SMPDL3A: variants seen among roughly 807,000 people sequenced by gnomAD.
SMPDL3A encodes sphingomyelin phosphodiesterase acid like 3A.
Under a neutral mutation model 38.5 loss-of-function variants are expected in SMPDL3A, and 39 were observed. That is an observed-to-expected ratio of 1.01 (90% CI 0.78 to 1.32). The LOEUF is 1.32. Ranked by LOEUF, SMPDL3A falls within the 40% of genes most tolerant of loss-of-function variation. SMPDL3A has a pLI of 0.00. For synonymous variants in SMPDL3A, 180 were observed against 194.3 expected (o/e 0.93, Z 0.61); for missense variants, 502 against 536.2 (o/e 0.94, Z 0.63).
intron 1 of SMPDL3A, among the ~76,000 whole-genome samples, chr6:122,795,289 G>C (rs1282539449): frequency 1.3e-5 from 2 of 152,096 alleles, no homozygotes; most frequent in African/African-American, 4.8e-5. Flanking sequence ...TTACAGGCGT[G>C]TGCCACCACA....
Position 122,795,803 on chromosome 6 carries a change from T to A in SMPDL3A, c.239T>A (p.Leu80Gln). Reference protein sequence around the residue: ...ASNPGPFGDVLCDSPYQLILS... With the variant: ...ASNPGPFGDVQCDSPYQLILS... ...AACCCTGGCCCTTTTGGAGATGTTC[T>A]GTGTGATTCTCCATATCAACTTATT... Residue 80 changes from leucine (L) to glutamine (Q), a missense_variant, in exon 2 of 8, where the codon CTG becomes CAG. By Grantham distance (113) the Leu-to-Gln change is moderately radical. Transcript: ENST00000368440. 2 of 1,614,140 alleles carry A rather than the reference T, an allele frequency of 1.2e-6. No homozygotes were observed. Among genetic ancestry groups the A allele is most frequent in the South Asian group, 2.2e-5 (2 of 91,086 alleles).
intron 7 of SMPDL3A, among the ~76,000 whole-genome samples, chr6:122,806,975 C>T (rs1781642971): frequency 6.6e-6 from 1 of 152,108 alleles, no homozygotes; most frequent in African/African-American, 2.4e-5. Context: ...ACAGCAGCCT[C>T]AAACTCCTGG....
intron 4 of SMPDL3A, among the ~76,000 whole-genome samples, chr6:122,802,308 T>C (rs541522019): frequency 6.6e-6 from 1 of 151,966 alleles, no homozygotes; most frequent in African/African-American, 2.4e-5. Context: ...TTCAAGCGAT[T>C]CTCCTGCTGC....
chr6:122,804,840 A>G (rs1781548398), intron 5 of SMPDL3A, 69 bp from the exon 6 acceptor site: 3 of 1,347,928 alleles, frequency 2.2e-6, no homozygotes, highest in Non-Finnish European at 3.1e-6. Context: ...TTGGGTATCC[A>G]AATGTCATTT....
chr6:122,802,568 C>T (rs1237821566), intron 4 of SMPDL3A, among the ~76,000 whole-genome samples: 1 of 152,046 alleles, frequency 6.6e-6, no homozygotes, highest in Non-Finnish European at 1.5e-5. Flanking sequence ...GAAGGGAGAG[C>T]CATAAAGAAT....
At position 122,805,002 on chromosome 6, in the gene SMPDL3A, AT is replaced by A; in HGVS notation, c.837del (p.Gln280LysfsTer31). 1 of 1,613,560 alleles carries A rather than the reference AT, an allele frequency of 6.2e-7. No individual in the cohort carries two copies. Among genetic ancestry groups the A allele is most frequent in the Non-Finnish European group, 8.5e-7 (1 of 1,179,838 alleles). On this transcript the variant is annotated frameshift_variant, in exon 6 of 8. Transcript: ENST00000368440. LOFTEE classifies it high-confidence loss of function. Reference protein sequence around the residue: ...REYYNEKLIDIFQKYSDVIAG... With the variant: ...REYYNEKLIDXFQKYSDVIAG... ...ATACTATAATGAGAAATTGATAGAT[AT>A]TTTTCAAAAATACAGTGATGTCATT...
intron 2 of SMPDL3A, 136 bp downstream of exon 2, chr6:122,796,026 C>G: frequency 1.5e-6 from 1 of 666,136 alleles, no homozygotes; most frequent in East Asian, 2.8e-5. Context: ...CTAGGTCAAA[C>G]TAATCAACAT....
At chr6:122,799,134 C>A (rs974403696) in intron 3 of SMPDL3A, among the ~76,000 whole-genome samples, 4 of 152,272 alleles carry the variant, frequency 2.6e-5, no homozygotes, top group African/African-American at 9.6e-5. Context: ...AGATGCATGT[C>A]CCCACCCATG....
intron 7 of SMPDL3A, among the ~76,000 whole-genome samples, chr6:122,808,581 T>C (rs1419591361): frequency 2.0e-5 from 3 of 149,146 alleles, no homozygotes; most frequent in African/African-American, 7.7e-5. Flanking sequence ...AGGTTTTTTA[T>C]TGAGCCTCCC....
At chr6:122,792,632 CTT>C (rs1562346891) in intron 1 of SMPDL3A, among the ~76,000 whole-genome samples, 4 of 147,302 alleles carry the variant, frequency 2.7e-5, no homozygotes, top group Non-Finnish European at 4.5e-5. Flanking sequence ...CTTTCTTCTT[CTT>C]CCCCTTTTTT....
At chr6:122,800,315 G>C (rs902046656) in intron 3 of SMPDL3A, among the ~76,000 whole-genome samples, 4 of 152,186 alleles carry the variant, frequency 2.6e-5, no homozygotes, top group African/African-American at 4.8e-5. Context: ...CTGCCCTAAA[G>C]AGACTTCTCC....
At position 122,789,346 on chromosome 6, in the gene SMPDL3A, C is replaced by T. The variant is rs1204412121; in HGVS notation, c.-1C>T. On this transcript the variant is annotated 5_prime_UTR_variant, in exon 1 of 8. Transcript: ENST00000368440. ...CCTCCAGGTCAGCCCCGCGGCCCTC[C>T]ATGGCGCTGGTGCGCGCACTCGTCT... 1.9e-6 allele frequency: 3 copies of T among 1,543,572 alleles called. No homozygotes were observed. The Admixed American group carries it at 5.9e-5, about 30-fold the overall frequency.
chr6:122,797,077 G>C, intron 3 of SMPDL3A, 109 bp downstream of exon 3: 1 of 822,986 alleles, frequency 1.2e-6, no homozygotes, highest in Non-Finnish European at 2.0e-6. Context: ...GTCTTATAGA[G>C]GGAGAATATG....
rs1781766956 is a variant in SMPDL3A at position 122,809,184 on chromosome 6, A to G, written c.1138A>G (p.Ile380Val). ...LEYILTQTYDIEDLQPESLYG... is the reference protein window; with the variant it reads ...LEYILTQTYDVEDLQPESLYG... ...GTATATCCTGACCCAGACCTACGAC[A>G]TTGAAGATTTGCAGCCGGAAAGTTT... The change falls in exon 8 of 8, where the codon ATT becomes GTT. Residue 380 changes from isoleucine to valine, a missense_variant. Coordinates refer to ENST00000368440, the MANE Select transcript of SMPDL3A (RefSeq NM_006714.5). The G allele has an allele frequency of 1.1e-5, 17 of 1,614,064 alleles. No homozygotes were observed. Among genetic ancestry groups the G allele is most frequent in the Non-Finnish European group, 1.4e-5 (16 of 1,180,010 alleles).
chr6:122,791,406 A>G (rs1450431707), intron 1 of SMPDL3A, among the ~76,000 whole-genome samples: 2 of 152,206 alleles, frequency 1.3e-5, no homozygotes, highest in Non-Finnish European at 2.9e-5. Flanking sequence ...TAATAGTCAG[A>G]TGAGACTGAA....
intron 5 of SMPDL3A, among the ~76,000 whole-genome samples, 170 bp from the exon 6 acceptor site, chr6:122,804,739 C>T (rs931369024): frequency 1.3e-5 from 2 of 152,042 alleles, no homozygotes; most frequent in Non-Finnish European, 2.9e-5. Flanking sequence ...AATATAGTGA[C>T]CCTAATAGTT....
At position 122,803,958 on chromosome 6, in the gene SMPDL3A, C is replaced by T. The variant is rs1781512424; in HGVS notation, c.738+125C>T. The stretch of plus-strand genomic sequence containing the variant: ...AATTTGAAGATTTTTTTTGCATAAA[C>T]ACTTTACAACTCATGGATTTTCTTT... On this transcript the variant is annotated intron_variant, in intron 5 of 7. Transcript: ENST00000368440. The T allele has an allele frequency of 4.3e-6, 3 of 694,726 alleles. No individual in the cohort carries two copies. The East Asian group carries it at 8.3e-5, about 19-fold the overall frequency. 43.0% of individuals were successfully genotyped at this position (694,726 alleles called of 1,614,324 possible).
At position 122,795,890 on chromosome 6, in the gene SMPDL3A, GGT is replaced by G; in HGVS notation, c.326+1_326+2del. Reference sequence around the variant, plus strand: ...GAAGCATCTTTCATGATATGGACAGGGTAAGTGATTATACAAGTACCATTAAT... The same window carrying G: ...GAAGCATCTTTCATGATATGGACAGGAAGTGATTATACAAGTACCATTAAT... On this transcript the variant is annotated splice_donor_variant, in intron 2 of 7. Coordinates refer to ENST00000368440, the MANE Select transcript of SMPDL3A (RefSeq NM_006714.5). LOFTEE classifies it high-confidence loss of function. The G allele has an allele frequency of 6.3e-7, 1 of 1,596,612 alleles. No homozygotes were observed.
chr6:122,804,778 TAGAAG>T (rs1781545855), intron 5 of SMPDL3A, 126 bp from the exon 6 acceptor site: 7 of 706,676 alleles, frequency 9.9e-6, no homozygotes, highest in Non-Finnish European at 1.4e-5. Flanking sequence ...TTCTTATAAA[TAGAAG>T]AGATGATATA....
Sources: gnomAD v4.1 joint callset for allele counts (sites outside exome capture counted in the v4.1 genomes callset) on GRCh38, gnomAD v4.1.1 for gene constraint, MANE v1.5 for transcripts, NCBI Gene and HGNC (gene_info 2026-07-23, HGNC 2026-07-21) for gene names.